ASH1L: variants seen among roughly 807,000 people sequenced by gnomAD.
ASH1L encodes ASH1 like histone lysine methyltransferase.
ASH1L carries 23 observed loss-of-function variants against 269.0 expected under a neutral mutation model. That is an observed-to-expected ratio of 0.09 (90% CI 0.06 to 0.12). The LOEUF is 0.12. ASH1L is among the 10% of genes least tolerant of loss of function. The probability of loss-of-function intolerance (pLI) is 1.00; values close to 1 mark genes in which losing one functional copy is unlikely to be tolerated. For missense variants in ASH1L, 2,912 were observed against 3,567.8 expected (o/e 0.82, Z 4.68); for synonymous variants, 1,187 against 1,253.5 (o/e 0.95, Z 1.12).
At chr1:155,402,298 G>A (rs1410541323) in intron 6 of ASH1L, among the ~76,000 whole-genome samples, 1 of 152,060 alleles carries the variant, frequency 6.6e-6, no homozygotes, top group Non-Finnish European at 1.5e-5. Flanking sequence ...GAAGAAGGGG[G>A]AGGCATCATT....
chr1:155,558,580 A>G (rs958003635), intron 1 of ASH1L, among the ~76,000 whole-genome samples: 9 of 152,190 alleles, frequency 5.9e-5, no homozygotes, highest in Non-Finnish European at 1.2e-4. Context: ...GTTTCACGCT[A>G]TTGCCCAGGC....
intron 3 of ASH1L, among the ~76,000 whole-genome samples, chr1:155,468,883 A>T (rs1467307123): frequency 6.6e-6 from 1 of 152,218 alleles, no homozygotes; most frequent in African/African-American, 2.4e-5. Flanking sequence ...GAGAAAATGT[A>T]ATTACATCTT....
chr1:155,459,356 T>C (rs1280716455), intron 4 of ASH1L, among the ~76,000 whole-genome samples: 1 of 152,132 alleles, frequency 6.6e-6, no homozygotes, highest in Non-Finnish European at 1.5e-5. Context: ...CCACCATGCC[T>C]GGCTAGTTTT....
At chr1:155,370,408 T>C (rs1571022193) in intron 12 of ASH1L, 96 bp downstream of exon 12, 1 of 1,521,368 alleles carries the variant, frequency 6.6e-7, no homozygotes, top group East Asian at 2.3e-5. Context: ...CTGAGCTGCT[T>C]TGTGTAAGCT....
At chr1:155,382,970 G>A (rs2148451906) in intron 7 of ASH1L, among the ~76,000 whole-genome samples, 1 of 152,244 alleles carries the variant, frequency 6.6e-6, no homozygotes, top group Admixed American at 6.5e-5. Flanking sequence ...CGATCTGCCT[G>A]CCCTGGCCTC....
intron 6 of ASH1L, among the ~76,000 whole-genome samples, chr1:155,414,081 G>T (rs1660016928): frequency 6.6e-6 from 1 of 152,122 alleles, no homozygotes; most frequent in Admixed American, 6.6e-5. Context: ...CACCAAACGA[G>T]ATGTACCTCT....
chr1:155,509,093 G>T (rs1667996367), intron 2 of ASH1L, among the ~76,000 whole-genome samples: 1 of 152,124 alleles, frequency 6.6e-6, no homozygotes, highest in Non-Finnish European at 1.5e-5. Context: ...AAATTACATT[G>T]TTTATAAATT....
chr1:155,523,696 A>T (rs1280125853), intron 1 of ASH1L, among the ~76,000 whole-genome samples: 1 of 151,914 alleles, frequency 6.6e-6, no homozygotes, highest in Admixed American at 6.6e-5. Flanking sequence ...ACATGTCGAA[A>T]CCCGTCTCTA....
intron 2 of ASH1L, among the ~76,000 whole-genome samples, chr1:155,490,186 G>A (rs892696848): frequency 5.3e-5 from 8 of 151,590 alleles, no homozygotes; most frequent in South Asian, 2.1e-4. Flanking sequence ...GGATGGTCTC[G>A]ATCTCCTGAC....
intron 4 of ASH1L, among the ~76,000 whole-genome samples, chr1:155,443,637 C>T (rs1662770853): frequency 6.6e-6 from 1 of 152,252 alleles, no homozygotes; most frequent in East Asian, 1.9e-4. Flanking sequence ...AACTGATCTG[C>T]TTCCTGTTAT....
intron 1 of ASH1L, among the ~76,000 whole-genome samples, chr1:155,543,689 T>A (rs1474140861): frequency 6.6e-6 from 1 of 151,916 alleles, no homozygotes; most frequent in Admixed American, 6.6e-5. Context: ...CCCAGCACTC[T>A]GGGAGGCTGA....
intron 12 of ASH1L, among the ~76,000 whole-genome samples, chr1:155,368,105 C>T (rs534204441): frequency 6.6e-6 from 1 of 152,224 alleles, no homozygotes; most frequent in South Asian, 2.1e-4. Context: ...TGGGCTCAGG[C>T]GATCCTACCA....
At chr1:155,396,441 A>T (rs1220819801) in intron 6 of ASH1L, 1 of 151,990 alleles carries the variant, frequency 6.6e-6, no homozygotes, top group Admixed American at 6.6e-5. Flanking sequence ...TAGCTTCCCA[A>T]GTAGCTGGGA....
chr1:155,447,907 G>A (rs1329106408), intron 4 of ASH1L, among the ~76,000 whole-genome samples: 1 of 152,192 alleles, frequency 6.6e-6, no homozygotes, highest in African/African-American at 2.4e-5. Context: ...GCCTGTGCCT[G>A]TGGGGTATTG....
At chr1:155,463,697 A>G (rs1159795758) in intron 3 of ASH1L, among the ~76,000 whole-genome samples, 1 of 152,116 alleles carries the variant, frequency 6.6e-6, no homozygotes. Flanking sequence ...TGGGAGGCTG[A>G]AGTGGGAAGA....
chr1:155,426,724 T>C (rs1490280271), intron 5 of ASH1L, among the ~76,000 whole-genome samples: 1 of 152,210 alleles, frequency 6.6e-6, no homozygotes, highest in Non-Finnish European at 1.5e-5. Flanking sequence ...TTTTTGACTA[T>C]TTCTAGGCTA....
Position 155,338,398 on chromosome 1 carries a change from A to C in ASH1L, c.8502-8T>G, listed in dbSNP as rs781287728. On this transcript the variant is annotated splice_region_variant and splice_polypyrimidine_tract_variant and intron_variant, in intron 26 of 27. Coordinates refer to ENST00000392403, the MANE Select transcript of ASH1L (RefSeq NM_018489.3). ...TCAGACTTCCAGGATGATCTGCCAG[A>C]AGGATATCTGAATTTAGTGTAAGAC... 5.6e-6 allele frequency: 9 copies of C among 1,608,532 alleles called. No homozygotes were observed. Among genetic ancestry groups the C allele is most frequent in the Non-Finnish European group, 7.6e-6 (9 of 1,176,490 alleles).
intron 2 of ASH1L, among the ~76,000 whole-genome samples, chr1:155,495,581 G>A (rs1225195302): frequency 1.3e-5 from 2 of 152,110 alleles, no homozygotes; most frequent in Admixed American, 6.5e-5. Flanking sequence ...CGACACTCTG[G>A]GAAAGTCAGT....
intron 6 of ASH1L, among the ~76,000 whole-genome samples, chr1:155,400,360 T>C (rs1658730319): frequency 6.6e-6 from 1 of 151,932 alleles, no homozygotes; most frequent in Non-Finnish European, 1.5e-5. Flanking sequence ...ATATTACTTC[T>C]AAAGAGGAAG....
Sources: allele counts gnomAD v4.1 joint callset (sites outside exome capture counted in the v4.1 genomes callset), GRCh38; gene constraint gnomAD v4.1.1; transcripts MANE v1.5; gene names NCBI Gene and HGNC (gene_info 2026-07-23, HGNC 2026-07-21).